The following LONP2 variants were observed in gnomAD, a reference collection of about 807,000 sequenced individuals.
The protein encoded by LONP2 is lon peptidase 2, peroxisomal.
LONP2 carries 60 observed loss-of-function variants against 85.6 expected under a neutral mutation model. The ratio of observed to expected loss-of-function variants is 0.70; its 90% CI spans 0.57 to 0.87. LONP2 has a LOEUF of 0.87. LONP2 is among the 40% of genes least tolerant of loss of function. The probability of loss-of-function intolerance (pLI) is 0.00; values close to 1 mark genes in which losing one functional copy is unlikely to be tolerated. For synonymous variants in LONP2, 395 were observed against 389.7 expected (o/e 1.01, Z -0.16); for missense variants, 860 against 1,063.5 (o/e 0.81, Z 2.66).
chr16:48,357,444 T>G (rs1293977592), downstream of LONP2: 1 of 152,256 alleles, frequency 6.6e-6, no homozygotes, highest in Non-Finnish European at 1.5e-5. Flanking sequence ...ATGACAAAGC[T>G]TCAAACTCCG....
chr16:48,264,980 A>G (rs1412161791), intron 6 of LONP2, among the ~76,000 whole-genome samples: 1 of 152,014 alleles, frequency 6.6e-6, no homozygotes, highest in Non-Finnish European at 1.5e-5. Flanking sequence ...TTTTTAAATA[A>G]TGGCCATCCT....
At chr16:48,267,091 TG>T (rs1453111917) in intron 6 of LONP2, among the ~76,000 whole-genome samples, 3 of 152,194 alleles carry the variant, frequency 2.0e-5, no homozygotes, top group Admixed American at 2.0e-4. Flanking sequence ...CTTGGTACTC[TG>T]AGATGCCATG....
Position 48,355,696 on chromosome 16 carries a change from C to A in LONP2, c.*3894C>A, listed in dbSNP as rs2151039216. ...CATTTTCTGGGTTTTTTATAATAGC[C>A]CTCCAAATGGGTGTGACGTATTTTG... On this transcript the variant is annotated 3_prime_UTR_variant, in exon 15 of 15. Transcript: ENST00000285737. 1 of 152,258 alleles carries A rather than the reference C, an allele frequency of 6.6e-6. No individual in the cohort carries two copies. The highest frequency in any genetic ancestry group is 1.9e-4 in the East Asian group (1 of 5,182). The allele number at this position is 152,258 out of a possible 1,614,324, so 9.4% of individuals were successfully genotyped here.
chr16:48,318,475 C>T (rs1973193379), intron 11 of LONP2, among the ~76,000 whole-genome samples: 3 of 152,160 alleles, frequency 2.0e-5, no homozygotes, highest in Admixed American at 2.0e-4. Flanking sequence ...GCCGAGATCA[C>T]ACCACAGCAC....
intron 8 of LONP2, among the ~76,000 whole-genome samples, chr16:48,286,330 A>G (rs1309457135): frequency 6.6e-6 from 1 of 151,524 alleles, no homozygotes; most frequent in East Asian, 1.9e-4. Flanking sequence ...TTTAGTAGAG[A>G]TGGGGTTTCA....
In LONP2 at chr16:48,290,666, T is replaced by C. The variant is rs549245089; in HGVS notation, c.1384-5349T>C. 2.0e-5 allele frequency among the ~76,000 whole-genome samples: 3 copies of C among 152,324 alleles called. No individual in the cohort carries two copies. In the East Asian group the frequency reaches 5.8e-4, roughly 29 times the overall value. ...CAAACAAACAGCACAGGAGCTTCCA[T>C]CCCAGTGAAGTCAGGGTCCACCAGT... On this transcript the variant is annotated intron_variant, in intron 8 of 14. Transcript: ENST00000285737.
downstream of LONP2, chr16:48,360,999 G>A (rs1354307217): frequency 6.6e-6 from 1 of 152,138 alleles, no homozygotes; most frequent in Non-Finnish European, 1.5e-5. Flanking sequence ...AAACAAATAT[G>A]CATATCAAAA....
chr16:48,336,452 A>G (rs1294442905), intron 12 of LONP2: 1 of 456,214 alleles, frequency 2.2e-6, no homozygotes, highest in Non-Finnish European at 4.4e-6. Context: ...GAGACCACCA[A>G]ACAGGCTTTG....
chr16:48,245,662 C>T (rs753395248), intron 1 of LONP2, among the ~76,000 whole-genome samples: 5 of 152,028 alleles, frequency 3.3e-5, no homozygotes, highest in Non-Finnish European at 5.9e-5. Flanking sequence ...GTACAATACA[C>T]GCCAGATTTT....
At chr16:48,359,763 T>C (rs138402362), downstream of LONP2, among the ~76,000 whole-genome samples, 12 of 151,340 alleles carry the variant, frequency 7.9e-5, no homozygotes, top group South Asian at 1.0e-3. Flanking sequence ...TCAAAAGATA[T>C]TTATGTAAGG....
At chr16:48,254,928 T>G (rs928728889) in intron 2 of LONP2, among the ~76,000 whole-genome samples, 1 of 152,174 alleles carries the variant, frequency 6.6e-6, no homozygotes, top group Non-Finnish European at 1.5e-5. Context: ...GCAAGGGTAT[T>G]CAAATTTTAT....
intron 12 of LONP2, among the ~76,000 whole-genome samples, chr16:48,339,964 A>T (rs1478995515): frequency 6.6e-6 from 1 of 152,180 alleles, no homozygotes; most frequent in Non-Finnish European, 1.5e-5. Flanking sequence ...TACCTGGAAG[A>T]GGGTGGCTGA....
chr16:48,276,939 G>A (rs866612981), intron 7 of LONP2, among the ~76,000 whole-genome samples: 4 of 152,156 alleles, frequency 2.6e-5, no homozygotes, highest in African/African-American at 9.7e-5. Context: ...CCATTTCAGT[G>A]TGCATAAAGG....
intron 11 of LONP2, among the ~76,000 whole-genome samples, chr16:48,307,248 A>G (rs530680268): frequency 6.6e-6 from 1 of 152,330 alleles, no homozygotes; most frequent in African/African-American, 2.4e-5. Context: ...CTTTAAAAGA[A>G]TGCTGCCTCT....
At chr16:48,303,799 G>A (rs949156797) in intron 11 of LONP2, among the ~76,000 whole-genome samples, 2 of 152,182 alleles carry the variant, frequency 1.3e-5, no homozygotes, top group African/African-American at 4.8e-5. Context: ...GAGTCCAAAA[G>A]TTGAAGAACT....
intron 8 of LONP2, among the ~76,000 whole-genome samples, chr16:48,284,908 G>A (rs1020003221): frequency 2.6e-5 from 4 of 152,114 alleles, no homozygotes; most frequent in South Asian, 2.1e-4. Context: ...AAAAAGTTAC[G>A]TCAACAATAT....
At chr16:48,255,807 C>T (rs1209915068) in intron 2 of LONP2, among the ~76,000 whole-genome samples, 1 of 152,046 alleles carries the variant, frequency 6.6e-6, no homozygotes, top group Admixed American at 6.5e-5. Context: ...GTAAGACAGG[C>T]CTTTGCTTCT....
chr16:48,349,739 T>C (rs1230333862), intron 14 of LONP2, among the ~76,000 whole-genome samples: 1 of 152,230 alleles, frequency 6.6e-6, no homozygotes, highest in Non-Finnish European at 1.5e-5. Flanking sequence ...AACAATTTGT[T>C]GTTAGAACTC....
intron 7 of LONP2, among the ~76,000 whole-genome samples, chr16:48,271,630 C>A (rs1414696844): frequency 1.3e-5 from 2 of 152,024 alleles, no homozygotes; most frequent in Non-Finnish European, 2.9e-5. Flanking sequence ...TGCCTGTAAT[C>A]CCAGCACTTT....
Sources: gnomAD v4.1 joint callset for allele counts (sites outside exome capture counted in the v4.1 genomes callset) on GRCh38, gnomAD v4.1.1 for gene constraint, MANE v1.5 for transcripts, NCBI Gene and HGNC (gene_info 2026-07-23, HGNC 2026-07-21) for gene names.